The following ENAH variants were observed in gnomAD, a reference collection of about 807,000 sequenced individuals.
ENAH encodes ENAH actin regulator.
Under a neutral mutation model 78.7 loss-of-function variants are expected in ENAH, and 23 were observed. The ratio of observed to expected loss-of-function variants is 0.29; its 90% CI spans 0.21 to 0.41. The LOEUF is 0.41. Among genes scored for constraint, ENAH ranks in the 10% least tolerant of loss-of-function variants. The probability of loss-of-function intolerance (pLI) is 1.00; values close to 1 mark genes in which losing one functional copy is unlikely to be tolerated. For synonymous variants in ENAH, 226 were observed against 241.0 expected (o/e 0.94, Z 0.58); for missense variants, 544 against 691.0 (o/e 0.79, Z 2.39).
rs898374987 is a variant in ENAH at position 225,652,999 on chromosome 1, G to A, written c.-309C>T. 7.3e-6 allele frequency: 2 copies of A among 275,348 alleles called. No individual in the cohort carries two copies. The highest frequency in any genetic ancestry group is 2.2e-5 in the African/African-American group (1 of 45,016). 17.1% of individuals were successfully genotyped at this position (275,348 alleles called of 1,614,324 possible). A position where few individuals can be genotyped will look rare whatever the true frequency, so the allele number is the denominator to read the frequency against. On this transcript the variant is annotated 5_prime_UTR_variant, in exon 1 of 14. Coordinates refer to ENST00000366843, the MANE Select transcript of ENAH (RefSeq NM_018212.6). ...CTGCTCCTCCTCCCGGAGCTTCCTCGGCCGCCCTCTGAGGGGTGCCCGCCG... is the reference window on the plus strand; with the variant it reads ...CTGCTCCTCCTCCCGGAGCTTCCTCAGCCGCCCTCTGAGGGGTGCCCGCCG...
intron 1 of ENAH, among the ~76,000 whole-genome samples, chr1:225,644,304 TTTCTAAAAATAA>T (rs952218101): frequency 1.3e-5 from 2 of 152,190 alleles, no homozygotes; most frequent in Non-Finnish European, 2.9e-5. Flanking sequence ...TTGATTTATT[TTTCTAAAAATAA>T]TTCTAAAAAA....
intron 11 of ENAH, among the ~76,000 whole-genome samples, chr1:225,505,981 T>C (rs1225227169): frequency 6.6e-6 from 1 of 151,514 alleles, no homozygotes; most frequent in Non-Finnish European, 1.5e-5. Flanking sequence ...AATTTCCAAG[T>C]CTGAAAAAAA....
chr1:225,553,853 C>T (rs2096653437), intron 3 of ENAH, among the ~76,000 whole-genome samples: 1 of 152,118 alleles, frequency 6.6e-6, no homozygotes, highest in Non-Finnish European at 1.5e-5. Context: ...TATTAATTTC[C>T]TCAAAAGAAG....
chr1:225,620,676 G>T (rs903153634), intron 1 of ENAH, among the ~76,000 whole-genome samples: 1 of 151,972 alleles, frequency 6.6e-6, no homozygotes, highest in African/African-American at 2.4e-5. Flanking sequence ...TTTTCTGAAG[G>T]TATGTTCACT....
Position 225,561,733 on chromosome 1 carries a change from C to T in ENAH, c.171+5516G>A, listed in dbSNP as rs141947723. ...TGTCAGGTTTGGACTACATCATAATCCTAAATTCTGTGCTTCAGAACCAGT... is the reference window on the plus strand; with the variant it reads ...TGTCAGGTTTGGACTACATCATAATTCTAAATTCTGTGCTTCAGAACCAGT... On this transcript the variant is annotated intron_variant, in intron 2 of 13. Transcript: ENST00000366843. 6.4e-4 allele frequency among the ~76,000 whole-genome samples: 97 copies of T among 152,156 alleles called. 3 individuals are homozygous for T. The highest frequency in any genetic ancestry group is 6.8e-3 in the Middle Eastern group (2 of 294).
chr1:225,497,969 AGAT>A (rs1341935522), intron 13 of ENAH, among the ~76,000 whole-genome samples, 157 bp from the exon 14 acceptor site: 2 of 152,318 alleles, frequency 1.3e-5, no homozygotes, highest in South Asian at 4.1e-4. Context: ...AATATTAGAA[AGAT>A]GATACTAATT....
chr1:225,641,023 C>G (rs1420538594), intron 1 of ENAH, among the ~76,000 whole-genome samples: 1 of 151,576 alleles, frequency 6.6e-6, no homozygotes, highest in Non-Finnish European at 1.5e-5. Context: ...GCCACCACGC[C>G]TGACTAATTT....
chr1:225,559,031 T>C (rs2096685147), intron 2 of ENAH, among the ~76,000 whole-genome samples: 1 of 152,228 alleles, frequency 6.6e-6, no homozygotes, highest in Non-Finnish European at 1.5e-5. Flanking sequence ...TCCTGAGTTC[T>C]GGCTGAAAAG....
At chr1:225,647,330 A>G (rs1308850866) in intron 1 of ENAH, among the ~76,000 whole-genome samples, 2 of 152,254 alleles carry the variant, frequency 1.3e-5, no homozygotes, top group African/African-American at 2.4e-5. Flanking sequence ...AATATTTACA[A>G]GTTCTTTGGT....
chr1:225,622,917 C>T (rs969419946), intron 1 of ENAH, among the ~76,000 whole-genome samples: 3 of 152,152 alleles, frequency 2.0e-5, no homozygotes, highest in Non-Finnish European at 2.9e-5. Flanking sequence ...AAGGAAAAAA[C>T]TAGAAGCAGT....
intron 1 of ENAH, among the ~76,000 whole-genome samples, chr1:225,577,433 G>A (rs1383975365): frequency 2.0e-5 from 3 of 152,170 alleles, no homozygotes; most frequent in African/African-American, 7.2e-5. Flanking sequence ...GCAAATAACG[G>A]CAGCCTACAA....
At chr1:225,503,257 A>C (rs1357434984) in intron 11 of ENAH, among the ~76,000 whole-genome samples, 4 of 152,188 alleles carry the variant, frequency 2.6e-5, no homozygotes, top group African/African-American at 9.7e-5. Flanking sequence ...CTATGTGTGA[A>C]AGCAGCAAGA....
intron 1 of ENAH, among the ~76,000 whole-genome samples, chr1:225,628,902 G>A (rs1490031583): frequency 5.2e-5 from 7 of 135,430 alleles, no homozygotes; most frequent in African/African-American, 9.1e-5. Context: ...GCGAAACTCC[G>A]TCTCAAAAAA....
At chr1:225,511,885 T>C (rs1212175788) in intron 9 of ENAH, 26 bp from the exon 10 acceptor site, 1 of 1,500,594 alleles carries the variant, frequency 6.7e-7, no homozygotes, top group Non-Finnish European at 9.2e-7. Flanking sequence ...TATATTAATA[T>C]CACATCTACC....
intron 3 of ENAH, among the ~76,000 whole-genome samples, chr1:225,551,462 A>C (rs1461393170): frequency 1.3e-5 from 2 of 152,164 alleles, no homozygotes; most frequent in African/African-American, 4.8e-5. Context: ...AGAGGAAAGG[A>C]AAATTATGTG....
chr1:225,530,692 A>G (rs1052195567), intron 3 of ENAH, 54 bp from the exon 4 acceptor site: 1 of 1,320,410 alleles, frequency 7.6e-7, no homozygotes, highest in African/African-American at 1.5e-5. Flanking sequence ...CTAGCTGGAC[A>G]GAGGAGATAA....
At position 225,570,924 on chromosome 1, in the gene ENAH, T is replaced by C. The variant is rs559183426; in HGVS notation, c.6-3510A>G. 7.5e-4 allele frequency among the ~76,000 whole-genome samples: 114 copies of C among 151,966 alleles called. 1 individual carries two copies. The highest frequency in any genetic ancestry group is 2.5e-3 in the African/African-American group (103 of 41,442). ...GTTATGGTGAGCTGAGATCGCGCCA[T>C]GACACTCCAGCCTAGGCAAGAAGAG... is the stretch of plus-strand genomic sequence containing the variant. On this transcript the variant is annotated intron_variant, in intron 1 of 13. Transcript: ENST00000366843.
At chr1:225,551,170 G>A (rs1489450627) in intron 3 of ENAH, among the ~76,000 whole-genome samples, 1 of 152,060 alleles carries the variant, frequency 6.6e-6, no homozygotes, top group Middle Eastern at 3.2e-3. Flanking sequence ...CACTAATTCA[G>A]CTCTTTTTCA....
chr1:225,541,854 T>A (rs2096590777), intron 3 of ENAH, among the ~76,000 whole-genome samples: 1 of 152,174 alleles, frequency 6.6e-6, no homozygotes, highest in African/African-American at 2.4e-5. Context: ...TGGTTCTAGA[T>A]GGACAGAGCT....
Sources: allele counts gnomAD v4.1 joint callset (sites outside exome capture counted in the v4.1 genomes callset), GRCh38; gene constraint gnomAD v4.1.1; transcripts MANE v1.5; gene names NCBI Gene and HGNC (gene_info 2026-07-23, HGNC 2026-07-21).